The following GRK2 variants were observed in gnomAD, a reference collection of about 807,000 sequenced individuals.
GRK2 encodes G protein-coupled receptor kinase 2.
A neutral mutation model predicts 97.8 loss-of-function variants in GRK2; 23 were observed. That is an observed-to-expected ratio of 0.24 (90% confidence interval 0.17 to 0.33). The LOEUF (loss-of-function observed/expected upper bound fraction) is 0.33, where lower values mean the gene tolerates loss of function less well. GRK2 is among the 10% of genes least tolerant of loss of function. The probability of loss-of-function intolerance (pLI) is 1.00; values close to 1 mark genes in which losing one functional copy is unlikely to be tolerated. For synonymous variants in GRK2, 425 were observed against 381.7 expected (o/e 1.11, Z -1.32); for missense variants, 633 against 956.9 (o/e 0.66, Z 4.47).
intron 15 of GRK2, 99 bp downstream of exon 15, chr11:67,283,327 C>A: frequency 9.3e-7 from 1 of 1,070,396 alleles, no homozygotes; most frequent in Non-Finnish European, 1.4e-6. Context: ...TCCCAGCCTC[C>A]TTGGAGGAGC....
intron 6 of GRK2, 76 bp downstream of exon 6, chr11:67,279,976 G>T: frequency 6.9e-7 from 1 of 1,442,242 alleles, no homozygotes; most frequent in Admixed American, 1.7e-5. Context: ...GGCGTGGAGG[G>T]CAGAAGCCAG....
rs1488108216 is a variant in GRK2, at chr11:67,281,803, G to A, written c.827-19G>A. 4 of 1,613,604 alleles carry A rather than the reference G, an allele frequency of 2.5e-6. No individual in the cohort carries two copies. The highest frequency in any genetic ancestry group is 3.4e-6 in the Non-Finnish European group (4 of 1,179,994). On this transcript the variant is annotated intron_variant, in intron 10 of 20. Coordinates refer to ENST00000308595, the MANE Select transcript of GRK2 (RefSeq NM_001619.5). The surrounding 1 kb of genome is among the most constrained non-coding windows in gnomAD (Gnocchi z 5.7). ...TGGGGCAAGACACTGAGTGCTGCCTGTGGGACTGCCTCCCTCAGGTGGGGA... is the reference window on the plus strand; with the variant it reads ...TGGGGCAAGACACTGAGTGCTGCCTATGGGACTGCCTCCCTCAGGTGGGGA...
In GRK2 at chr11:67,266,631, C is replaced by T; in HGVS notation, c.-69C>T. On this transcript the variant is annotated 5_prime_UTR_variant, in exon 1 of 21. Transcript: ENST00000308595. ...CCGAGCGAGCCGCGGCCGGGCCGGG[C>T]CGAGCGCCGAGCGAGCAGGAGCGGC... 6 of 688,546 alleles carry T rather than the reference C, an allele frequency of 8.7e-6. No individual in the cohort carries two copies. The highest frequency in any genetic ancestry group is 1.1e-5 in the Non-Finnish European group (6 of 556,824). 42.7% of individuals were successfully genotyped at this position (688,546 alleles called of 1,614,324 possible).
At chr11:67,273,250 C>T (rs371563661) in intron 1 of GRK2, among the ~76,000 whole-genome samples, 1 of 152,360 alleles carries the variant, frequency 6.6e-6, no homozygotes, top group African/African-American at 2.4e-5. Context: ...CTCTGAGGCC[C>T]TTGCCCAAAG....
intron 1 of GRK2, among the ~76,000 whole-genome samples, chr11:67,273,363 G>A (rs142376063): frequency 1.1e-3 from 160 of 152,350 alleles, no homozygotes; most frequent in Middle Eastern, 6.8e-3. Context: ...CCGGATCTCA[G>A]GGTTGCTGAC....
rs1282059508 is a variant in GRK2, at chr11:67,279,715, G to A, written c.441+15G>A. The A allele has an allele frequency of 6.2e-7, 1 of 1,613,700 alleles. No individual in the cohort carries two copies. The highest frequency in any genetic ancestry group is 1.1e-5 in the South Asian group (1 of 91,082). ...ATCTCTTCCAGGTGTGTGCCTCCCG[G>A]TCCCTCCCCAGGCAAGGTCACCTTG... On this transcript the variant is annotated intron_variant, in intron 5 of 20. Coordinates refer to ENST00000308595, the MANE Select transcript of GRK2 (RefSeq NM_001619.5).
At chr11:67,278,537 G>A (rs926298035) in intron 2 of GRK2, among the ~76,000 whole-genome samples, 2 of 152,168 alleles carry the variant, frequency 1.3e-5, no homozygotes, top group Non-Finnish European at 2.9e-5. Context: ...GCCATTTGGT[G>A]GAGTAGCCCT....
At position 67,281,328 on chromosome 11, in the gene GRK2, C is replaced by A; in HGVS notation, c.648-131C>A. 1.8e-6 allele frequency: 2 copies of A among 1,091,652 alleles called. No individual in the cohort carries two copies. Among genetic ancestry groups the A allele is most frequent in the Non-Finnish European group, 2.7e-6 (2 of 739,202 alleles). The allele number at this position is 1,091,652 out of a possible 1,614,324, so 67.6% of individuals were successfully genotyped here. Reference sequence around the variant, plus strand: ...TGTTACCCCCGCAGGCTCCTCTGGCCCCAGCCCTCCCTGTCTCTGATTTGT... The same window carrying A: ...TGTTACCCCCGCAGGCTCCTCTGGCACCAGCCCTCCCTGTCTCTGATTTGT... On this transcript the variant is annotated intron_variant, in intron 8 of 20. Coordinates refer to ENST00000308595, the MANE Select transcript of GRK2 (RefSeq NM_001619.5). This position sits in a 1 kb window ranked among gnomAD's most constrained non-coding sequence, Gnocchi z 5.7.
At chr11:67,268,068 C>T (rs1393102778) in intron 1 of GRK2, among the ~76,000 whole-genome samples, 3 of 152,228 alleles carry the variant, frequency 2.0e-5, no homozygotes, top group Non-Finnish European at 2.9e-5. Context: ...GGGGCCTGTC[C>T]ACACTGCCGT....
chr11:67,269,538 C>T lies in GRK2; in HGVS notation c.113+2726C>T, dbSNP rs1324413470. Reference sequence around the variant, plus strand: ...ACTGGCACCCCTTGTCTGGGGCCATCGGCTGTCACAGTTCACAAGGCTCAG... The same window carrying T: ...ACTGGCACCCCTTGTCTGGGGCCATTGGCTGTCACAGTTCACAAGGCTCAG... On this transcript the variant is annotated intron_variant, in intron 1 of 20. Transcript: ENST00000308595. The surrounding 1 kb of genome is among the most constrained non-coding windows in gnomAD (Gnocchi z 4.1). 6.6e-6 allele frequency among the ~76,000 whole-genome samples: 1 copy of T among 152,198 alleles called. No homozygotes were observed. The highest frequency in any genetic ancestry group is 1.5e-5 in the Non-Finnish European group (1 of 68,034).
chr11:67,269,193 C>T lies in GRK2; in HGVS notation c.113+2381C>T, dbSNP rs1002852645. On this transcript the variant is annotated intron_variant, in intron 1 of 20. Transcript: ENST00000308595. The surrounding 1 kb of genome is among the most constrained non-coding windows in gnomAD (Gnocchi z 4.1). ...GCAGAGCACGCCGCCCCCCGCCCCCCGCCGCCCCAGTGGTGATCCTGACCA... is the reference window on the plus strand; with the variant it reads ...GCAGAGCACGCCGCCCCCCGCCCCCTGCCGCCCCAGTGGTGATCCTGACCA... Among the ~76,000 whole-genome samples the T allele has an allele frequency of 1.3e-5, 2 of 152,178 alleles. No individual in the cohort carries two copies. Among genetic ancestry groups the T allele is most frequent in the South Asian group, 2.1e-4 (1 of 4,832 alleles).
chr11:67,282,101 C>A lies in GRK2; in HGVS notation c.957+149C>A. On this transcript the variant is annotated intron_variant, in intron 11 of 20. Coordinates refer to ENST00000308595, the MANE Select transcript of GRK2 (RefSeq NM_001619.5). This position sits in a 1 kb window ranked among gnomAD's most constrained non-coding sequence, Gnocchi z 6.9. ...CTCCGCCCCTGCCCTTCCCACCGAG[C>A]CACTCTCTGGGTCCAGGTTGTAGCT... The A allele has an allele frequency of 7.9e-7, 1 of 1,273,648 alleles. No homozygotes were observed. Among genetic ancestry groups the A allele is most frequent in the Non-Finnish European group, 1.1e-6 (1 of 908,394 alleles). The allele number at this position is 1,273,648 out of a possible 1,614,324, so 78.9% of individuals were successfully genotyped here. A position where few individuals can be genotyped will look rare whatever the true frequency, so the allele number is the denominator to read the frequency against.
chr11:67,282,504 G>T lies in GRK2; in HGVS notation c.1122G>T (p.Trp374Cys). The T allele has an allele frequency of 6.2e-7, 1 of 1,613,750 alleles. No individual in the cohort carries two copies. The highest frequency in any genetic ancestry group is 8.5e-7 in the Non-Finnish European group (1 of 1,179,996). The change falls in exon 13 of 21, where the codon TGG (tryptophan) becomes TGT (cysteine). Residue 374 changes from tryptophan (W) to cysteine (C), a missense_variant. Trp to Cys is a radical substitution (Grantham distance 215, BLOSUM62 -2). Coordinates refer to ENST00000308595, the MANE Select transcript of GRK2 (RefSeq NM_001619.5). The surrounding 1 kb of genome is among the most constrained non-coding windows in gnomAD (Gnocchi z 6.9). ...KGVAYDSSAD[W>C]FSLGCMLFKL... ...TGGCCTACGACAGCAGTGCCGACTG[G>T]TTCTCTCTGGGGTGCATGCTCTTCA...
intron 1 of GRK2, among the ~76,000 whole-genome samples, chr11:67,274,472 G>A (rs1055155303): frequency 3.5e-5 from 4 of 113,858 alleles, no homozygotes; most frequent in South Asian, 3.1e-4. Flanking sequence ...TCTGCCTGTC[G>A]CTACCTTCCG....
chr11:67,274,495 C>CTTTTTTGTTTTTTTTT (rs1859982172), intron 1 of GRK2, among the ~76,000 whole-genome samples: 1 of 22,470 alleles, frequency 4.5e-5, no homozygotes, highest in Non-Finnish European at 9.4e-5. Context: ...TGACCAGCAC[C>CTTTTTTGTTTTTTTTT]TTTTTTTTTT....
chr11:67,273,316 C>CT (rs1230230729), intron 1 of GRK2, among the ~76,000 whole-genome samples: 1 of 152,236 alleles, frequency 6.6e-6, no homozygotes, highest in Non-Finnish European at 1.5e-5. Flanking sequence ...CTTGGTTCTC[C>CT]TGATGCTCCA....
rs1273400209 is a variant in GRK2, at chr11:67,276,118, A to G, written c.114-1154A>G. On this transcript the variant is annotated intron_variant, in intron 1 of 20. Coordinates refer to ENST00000308595, the MANE Select transcript of GRK2 (RefSeq NM_001619.5). This position sits in a 1 kb window ranked among gnomAD's most constrained non-coding sequence, Gnocchi z 4.2. ...ATCCAAATCTCCACCAGCTGCAGTCATTTCACGGGAGGCCTGCTGGTGGCC... is the reference window on the plus strand; with the variant it reads ...ATCCAAATCTCCACCAGCTGCAGTCGTTTCACGGGAGGCCTGCTGGTGGCC... Among the ~76,000 whole-genome samples the G allele has an allele frequency of 6.6e-6, 1 of 152,184 alleles. No homozygotes were observed. The highest frequency in any genetic ancestry group is 1.9e-4 in the East Asian group (1 of 5,204).
At position 67,269,951 on chromosome 11, in the gene GRK2, C is replaced by T. The variant is rs1293027271; in HGVS notation, c.113+3139C>T. 6.6e-6 allele frequency among the ~76,000 whole-genome samples: 1 copy of T among 152,184 alleles called. No individual in the cohort carries two copies. The highest frequency in any genetic ancestry group is 1.5e-5 in the Non-Finnish European group (1 of 68,014). ...TAGAATCCAAGGAAACAGTCCCTTT[C>T]CCCGACCTTCTTGTAGAAGGAGGTA... On this transcript the variant is annotated intron_variant, in intron 1 of 20. Transcript: ENST00000308595. The surrounding 1 kb of genome is among the most constrained non-coding windows in gnomAD (Gnocchi z 4.1).
chr11:67,281,817 C>G lies in GRK2; in HGVS notation c.827-5C>G. The G allele has an allele frequency of 6.2e-7, 1 of 1,613,750 alleles. No individual in the cohort carries two copies. The highest frequency in any genetic ancestry group is 8.5e-7 in the Non-Finnish European group (1 of 1,179,990). On this transcript the variant is annotated splice_region_variant and splice_polypyrimidine_tract_variant and intron_variant, in intron 10 of 20. Transcript: ENST00000308595. This position sits in a 1 kb window ranked among gnomAD's most constrained non-coding sequence, Gnocchi z 5.7. Reference sequence around the variant, plus strand: ...GAGTGCTGCCTGTGGGACTGCCTCCCTCAGGTGGGGACCTGCACTACCACC... The same window carrying G: ...GAGTGCTGCCTGTGGGACTGCCTCCGTCAGGTGGGGACCTGCACTACCACC...
Sources: allele counts gnomAD v4.1 joint callset (sites outside exome capture counted in the v4.1 genomes callset), GRCh38; gene constraint gnomAD v4.1.1; non-coding constraint Gnocchi (gnomAD v3.1); transcripts MANE v1.5; gene names NCBI Gene and HGNC (gene_info 2026-07-23, HGNC 2026-07-21).